LRBA: variants seen among roughly 807,000 people sequenced by gnomAD.
LRBA encodes lipopolysaccharide-responsive and beige-like anchor protein.
Under a neutral mutation model 330.0 loss-of-function variants are expected in LRBA, and 176 were observed. That is an observed-to-expected ratio of 0.53 (90% CI 0.47 to 0.60). LRBA has a LOEUF of 0.60. LRBA is among the 20% of genes least tolerant of loss of function. The pLI is 0.00. For synonymous variants in LRBA, 1,230 were observed against 1,193.0 expected (o/e 1.03, Z -0.64); for missense variants, 3,259 against 3,444.8 (o/e 0.95, Z 1.35).
chr4:151,009,208 T>C (rs1744518365), intron 2 of LRBA, among the ~76,000 whole-genome samples: 1 of 150,690 alleles, frequency 6.6e-6, no homozygotes, highest in Non-Finnish European at 1.5e-5. Context: ...TTATATAGAA[T>C]TTACATTCTA....
chr4:150,767,417 T>C (rs949637705), intron 34 of LRBA, among the ~76,000 whole-genome samples: 1 of 152,206 alleles, frequency 6.6e-6, no homozygotes, highest in Non-Finnish European at 1.5e-5. Flanking sequence ...AAGCCATGAA[T>C]ACTGATTAAC....
intron 47 of LRBA, among the ~76,000 whole-genome samples, chr4:150,386,164 T>C (rs991141884): frequency 3.6e-4 from 54 of 152,076 alleles, no homozygotes; most frequent in Admixed American, 1.9e-3. Flanking sequence ...GTATTTGGCA[T>C]CATAATAATC....
intron 31 of LRBA, among the ~76,000 whole-genome samples, chr4:150,813,101 T>G (rs1317930225): frequency 4.7e-5 from 7 of 150,376 alleles, no homozygotes; most frequent in Non-Finnish European, 8.8e-5. Context: ...AGGCTGCAGT[T>G]GAGCTATGAT....
chr4:150,297,693 C>A (rs1446468934), intron 53 of LRBA, among the ~76,000 whole-genome samples: 1 of 152,122 alleles, frequency 6.6e-6, no homozygotes, highest in Non-Finnish European at 1.5e-5. Context: ...ACATAAGGAA[C>A]CTAAACATAA....
intron 47 of LRBA, among the ~76,000 whole-genome samples, chr4:150,357,096 A>T (rs1346488317): frequency 1.3e-5 from 2 of 152,048 alleles, no homozygotes; most frequent in Non-Finnish European, 2.9e-5. Flanking sequence ...TAGAGAAATC[A>T]CTAAAAGGGG....
intron 2 of LRBA, among the ~76,000 whole-genome samples, chr4:150,997,765 G>A (rs567867991): frequency 5.9e-5 from 9 of 151,640 alleles, no homozygotes; most frequent in South Asian, 2.1e-4. Flanking sequence ...GTGCAGTGGC[G>A]CAATCTTGGC....
At chr4:150,455,435 T>C (rs1050140508) in intron 44 of LRBA, among the ~76,000 whole-genome samples, 2 of 152,028 alleles carry the variant, frequency 1.3e-5, no homozygotes, top group African/African-American at 4.8e-5. Flanking sequence ...ATATACACCA[T>C]GGAATACTAT....
chr4:150,379,303 CA>C (rs10634420), intron 47 of LRBA, among the ~76,000 whole-genome samples: 10,488 of 58,832 alleles, frequency 0.18, 178 homozygotes, highest in Middle Eastern at 0.26. Context: ...AACTCTAGCT[CA>C]AAAAAAAAAA....
chr4:150,271,684 C>T (rs1046469804), intron 56 of LRBA, among the ~76,000 whole-genome samples: 12 of 152,244 alleles, frequency 7.9e-5, no homozygotes, highest in South Asian at 2.1e-4. Context: ...GAGGAGCGTC[C>T]GCCATTGGTG....
chr4:150,590,668 T>C (rs1772706440), intron 39 of LRBA, 45 bp downstream of exon 39: 2 of 1,578,326 alleles, frequency 1.3e-6, no homozygotes, highest in Non-Finnish European at 1.7e-6. Flanking sequence ...TATATGCTTA[T>C]TGTCCCAGAG....
intron 44 of LRBA, among the ~76,000 whole-genome samples, chr4:150,453,372 T>C (rs779602971): frequency 6.6e-6 from 1 of 152,146 alleles, no homozygotes; most frequent in Non-Finnish European, 1.5e-5. Context: ...TACACATATA[T>C]GGCCGATTGA....
intron 22 of LRBA, among the ~76,000 whole-genome samples, chr4:150,860,989 A>C (rs1205465915): frequency 1.3e-5 from 2 of 152,214 alleles, no homozygotes; most frequent in Non-Finnish European, 2.9e-5. Context: ...TCTATGGTAT[A>C]GCTTATTACT....
At position 150,805,494 on chromosome 4, in the gene LRBA, AGAAGGAGGAGAAAGAG is replaced by A. The variant is rs1300189201; in HGVS notation, c.5518+761_5518+776del. Among the ~76,000 whole-genome samples the A allele has an allele frequency of 2.3e-3, 239 of 102,288 alleles. 2 individuals are homozygous for A. The highest frequency in any genetic ancestry group is 5.1e-3 in the South Asian group (14 of 2,766). The allele number at this position is 102,288 out of a possible 152,430, so 67.1% of individuals were successfully genotyped here. On this transcript the variant is annotated intron_variant, in intron 33 of 56. Transcript: ENST00000651943. ...AAAGGAAAGGAAAGGAAAGGAAAGG[AGAAGGAGGAGAAAGAG>A]AAGGAAAGGAAAAGGAAAGGAAAGG... is the stretch of plus-strand genomic sequence containing the variant.
chr4:150,921,120 G>T, intron 5 of LRBA, 78 bp downstream of exon 5: 1 of 869,612 alleles, frequency 1.1e-6, no homozygotes, highest in Non-Finnish European at 1.9e-6. Context: ...AACCTGTCAG[G>T]GGTGTTCACA....
intron 36 of LRBA, 125 bp downstream of exon 36, chr4:150,735,133 C>G (rs1731016100): frequency 1.4e-6 from 1 of 723,844 alleles, no homozygotes; most frequent in Non-Finnish European, 2.4e-6. Flanking sequence ...TCCTATAAAC[C>G]TAGATTTTAA....
At chr4:150,406,141 A>G (rs1019118956) in intron 47 of LRBA, among the ~76,000 whole-genome samples, 10 of 152,160 alleles carry the variant, frequency 6.6e-5, no homozygotes, top group African/African-American at 2.2e-4. Flanking sequence ...TTTAATGAAA[A>G]TAGTAGACCA....
intron 40 of LRBA, among the ~76,000 whole-genome samples, chr4:150,534,379 T>A (rs933236465): frequency 1.4e-5 from 2 of 146,154 alleles, no homozygotes; most frequent in African/African-American, 5.1e-5. Context: ...TAATAATAAT[T>A]TTTTTTAAAA....
At chr4:150,320,863 A>C (rs1484452542) in intron 50 of LRBA, among the ~76,000 whole-genome samples, 1 of 152,166 alleles carries the variant, frequency 6.6e-6, no homozygotes, top group African/African-American at 2.4e-5. Context: ...AATGAAAGTA[A>C]AAAAGAGAAA....
In LRBA at chr4:150,947,288, A is replaced by C. The variant is rs560708859; in HGVS notation, c.217-18223T>G. ...GAATATAAACACCAAAATTCTTAAC[A>C]AAAAATTAGCAAGTAGAATTCGGCA... On this transcript the variant is annotated intron_variant, in intron 2 of 56. Coordinates refer to ENST00000651943, the MANE Select transcript of LRBA (RefSeq NM_001364905.1). Among the ~76,000 whole-genome samples, 4 of 151,818 alleles carry C rather than the reference A, an allele frequency of 2.6e-5. No individual in the cohort carries two copies. In the South Asian group the frequency reaches 6.2e-4, roughly 24 times the overall value.
Sources: allele counts gnomAD v4.1 joint callset (sites outside exome capture counted in the v4.1 genomes callset), GRCh38; gene constraint gnomAD v4.1.1; transcripts MANE v1.5; gene names NCBI Gene and HGNC (gene_info 2026-07-23, HGNC 2026-07-21).